Variants in PRAMEF11 observed in about 807,000 individuals in gnomAD.
The protein encoded by PRAMEF11 is PRAME family member 11.
A neutral mutation model predicts 33.6 loss-of-function variants in PRAMEF11; 17 were observed. The observed-to-expected ratio is 0.51, with a 90% CI of 0.35 to 0.76. The LOEUF (loss-of-function observed/expected upper bound fraction) is 0.76. Among genes scored for constraint, PRAMEF11 ranks in the 30% least tolerant of loss-of-function variants. PRAMEF11 has a pLI of 0.01. For synonymous variants in PRAMEF11, 205 were observed against 227.3 expected (o/e 0.90, Z 0.88); for missense variants, 568 against 567.0 (o/e 1.00, Z -0.02).
rs777815598 is a variant in PRAMEF11 at position 12,826,705 on chromosome 1, C to T, written c.875+544G>A. On this transcript the variant is annotated intron_variant, in intron 3 of 3. Coordinates refer to ENST00000619922, the MANE Select transcript of PRAMEF11 (RefSeq NM_001146344.3). ...TGAACCTGGGAGGCAGAAGTTGCTG[C>T]GAGCTGAGATGTCACAAGTGCACTC... 7.6e-4 allele frequency among the ~76,000 whole-genome samples: 114 copies of T among 150,012 alleles called. 9 individuals carry two copies. The highest frequency in any genetic ancestry group is 1.4e-3 in the Non-Finnish European group (91 of 67,156).
In PRAMEF11 at chr1:12,829,084, T is replaced by A. The variant is rs75890483; in HGVS notation, c.-16-279A>T. On this transcript the variant is annotated intron_variant, in intron 1 of 3. Transcript: ENST00000619922. ...TAGTGAGTGTGGAGGAACCTGAAAGTGAACCCCTCCTACCATTGGGGGAAA... is the reference window on the plus strand; with the variant it reads ...TAGTGAGTGTGGAGGAACCTGAAAGAGAACCCCTCCTACCATTGGGGGAAA... 3.4e-5 allele frequency among the ~76,000 whole-genome samples: 5 copies of A among 149,090 alleles called. 1 individual carries two copies. Among genetic ancestry groups the A allele is most frequent in the African/African-American group, 1.2e-4 (5 of 41,112 alleles).
chr1:12,825,113 A>G lies in PRAMEF11; in HGVS notation c.1266T>C (p.Tyr422=). ...LELYPAPQES[Y]GADGTLCWSR... is the part of the protein sequence containing the mutation. Reference sequence around the variant, plus strand: ...TCCAGCAGAGAGTACCATCAGCACCATAACTTTCCTGCGGGGCAGGATACA... The same window carrying G: ...TCCAGCAGAGAGTACCATCAGCACCGTAACTTTCCTGCGGGGCAGGATACA... The change falls in exon 4 of 4, where the codon TAT becomes TAC. Residue 422 remains tyrosine (Y), a synonymous_variant. Coordinates refer to ENST00000619922, the MANE Select transcript of PRAMEF11 (RefSeq NM_001146344.3). 2 of 1,609,712 alleles carry G rather than the reference A, an allele frequency of 1.2e-6. No homozygotes were observed. Among genetic ancestry groups the G allele is most frequent in the Non-Finnish European group, 1.7e-6 (2 of 1,177,760 alleles).
chr1:12,828,897 C>T lies in PRAMEF11; in HGVS notation c.-16-92G>A, dbSNP rs1639941174. On this transcript the variant is annotated intron_variant, in intron 1 of 3. Transcript: ENST00000619922. ...CCCAGGGCCAAAGTCACTGCTCTGG[C>T]AATGGTGAAACAGCCCTCAGTTTAC... 3.8e-6 allele frequency: 6 copies of T among 1,564,946 alleles called. 1 individual carries two copies. Among genetic ancestry groups the T allele is most frequent in the Admixed American group, 3.5e-5 (2 of 57,426 alleles).
rs769438971 is a variant in PRAMEF11 at position 12,827,406 on chromosome 1, C to T, written c.718G>A (p.Val240Ile). The change falls in exon 3 of 4, where the codon GTT becomes ATT. Residue 240 changes from valine to isoleucine, a missense_variant. Physicochemically the swap from Val to Ile is conservative, Grantham distance 29. Coordinates refer to ENST00000619922, the MANE Select transcript of PRAMEF11 (RefSeq NM_001146344.3). ...LGHLRNLQKL[V>I]LSHMDVSRYV... ...CGAGAGACATCCATGTGGGAGAGAA[C>T]GAGCTTCTGAAGATTCCTCAAGTGG... The T allele has an allele frequency of 3.4e-5, 54 of 1,605,954 alleles. 2 individuals carry two copies. Among genetic ancestry groups the T allele is most frequent in the Middle Eastern group, 1.7e-4 (1 of 5,926 alleles).
At position 12,827,799 on chromosome 1, in the gene PRAMEF11, C is replaced by A. The variant is rs192952232; in HGVS notation, c.325G>T (p.Asp109Tyr). The change falls in exon 3 of 4, where the codon GAT becomes TAT. Residue 109 changes from aspartate to tyrosine, a missense_variant. By Grantham distance (160) the Asp-to-Tyr change is radical. This residue lies in a region of PRAMEF11 where 342 missense variants were observed against 312.0 expected (regional missense o/e 1.10). Coordinates refer to ENST00000619922, the MANE Select transcript of PRAMEF11 (RefSeq NM_001146344.3). ...ACCATCCAGAAGTTCTCACAGACAT[C>A]CTGTAAATCCAGCACTTGAAGTTTC... ...RWKLQVLDLQ[D>Y]VCENFWMVWS... 1,162 of 1,608,026 alleles carry A rather than the reference C, an allele frequency of 7.2e-4. 30 individuals carry two copies. Among genetic ancestry groups the A allele is most frequent in the Middle Eastern group, 7.1e-3 (33 of 4,634 alleles).
At chr1:12,826,776 A>C (rs1203306038) in intron 3 of PRAMEF11, among the ~76,000 whole-genome samples, 2 of 150,168 alleles carry the variant, frequency 1.3e-5, no homozygotes, top group Admixed American at 1.3e-4. Context: ...AAAAAAAGTT[A>C]TCTTGTTTGA....
chr1:12,830,895 A>G (rs1434655112), intron 1 of PRAMEF11, among the ~76,000 whole-genome samples: 42 of 150,180 alleles, frequency 2.8e-4, no homozygotes, highest in African/African-American at 1.0e-3. Flanking sequence ...ATGGAGACTG[A>G]GGCATGAGAA....
chr1:12,829,020 A>G (rs1639950191), intron 1 of PRAMEF11, among the ~76,000 whole-genome samples: 1 of 151,646 alleles, frequency 6.6e-6, no homozygotes, highest in East Asian at 2.0e-4. Flanking sequence ...CAGGGCCACC[A>G]CGAGCCCTTC....
rs776487277 is a variant in PRAMEF11, at chr1:12,825,960, T to A, written c.876-457A>T. On this transcript the variant is annotated intron_variant, in intron 3 of 3. Coordinates refer to ENST00000619922, the MANE Select transcript of PRAMEF11 (RefSeq NM_001146344.3). The stretch of plus-strand genomic sequence containing the variant: ...CTACACTCCAGCCTGGGTGACAGAG[T>A]GATACTCTATTAAAAAAAAAAAAAG... Among the ~76,000 whole-genome samples the A allele has an allele frequency of 4.5e-4, 63 of 139,592 alleles. 1 individual carries two copies. Among genetic ancestry groups the A allele is most frequent in the African/African-American group, 1.5e-3 (57 of 37,298 alleles). 91.6% of individuals were successfully genotyped at this position (139,592 alleles called of 152,430 possible). A position where few individuals can be genotyped will look rare whatever the true frequency, so the allele number is the denominator to read the frequency against.
Position 12,825,344 on chromosome 1 carries a change from A to T in PRAMEF11, c.1035T>A (p.Ile345=). 6.4e-7 allele frequency: 1 copy of T among 1,571,786 alleles called. No individual in the cohort carries two copies. Among genetic ancestry groups the T allele is most frequent in the Non-Finnish European group, 8.7e-7 (1 of 1,154,852 alleles). ...LTNYSLVPLQ[I]LLEKVAATLE... is the part of the protein sequence containing the mutation. The stretch of plus-strand genomic sequence containing the variant: ...GGGTGGCTGCAACTTTTTCTAGGAG[A>T]ATTTGGAGAGGCACAAGACTGTAAT... The change falls in exon 4 of 4, where the codon ATT becomes ATA. Residue 345 remains isoleucine, a synonymous_variant. Transcript: ENST00000619922.
At position 12,825,040 on chromosome 1, in the gene PRAMEF11, A is replaced by C. The variant is rs1270731526; in HGVS notation, c.1339T>G (p.Leu447Val). The C allele has an allele frequency of 1.9e-6, 3 of 1,609,818 alleles. No homozygotes were observed. The highest frequency in any genetic ancestry group is 2.5e-6 in the Non-Finnish European group (3 of 1,177,774). Reference protein sequence around the residue: ...RAELMKKVRHLRHPKRILFCT... With the variant: ...RAELMKKVRHVRHPKRILFCT... ...AACAAGATCCTCTTGGGGTGCCTTA[A>C]GTGCCTCACTTTCTTCATCAGCTCA... Residue 447 changes from leucine to valine, a missense_variant, in exon 4 of 4, where the codon TTA becomes GTA. Leu to Val is a conservative substitution (Grantham distance 32). Transcript: ENST00000619922.
rs1217795795 is a variant in PRAMEF11, at chr1:12,830,711, A to C, written c.-17+645T>G. 2.0e-5 allele frequency among the ~76,000 whole-genome samples: 3 copies of C among 150,682 alleles called. No homozygotes were observed. The East Asian group carries it at 5.9e-4, about 30-fold the overall frequency. ...TTAAAAAAAAAAAAAGTAGAGGCCAAGCACCAGTGACTCACAGCTGTAATC... is the reference window on the plus strand; with the variant it reads ...TTAAAAAAAAAAAAAGTAGAGGCCACGCACCAGTGACTCACAGCTGTAATC... On this transcript the variant is annotated intron_variant, in intron 1 of 3. Transcript: ENST00000619922.
chr1:12,831,201 C>T (rs78036093), intron 1 of PRAMEF11, among the ~76,000 whole-genome samples, 155 bp downstream of exon 1: 1 of 149,156 alleles, frequency 6.7e-6, no homozygotes, highest in Non-Finnish European at 1.5e-5. Flanking sequence ...GACAGAACTG[C>T]ATTTAGAGGA....
At chr1:12,827,935 C>T in intron 2 of PRAMEF11, 105 bp from the exon 3 acceptor site, 1 of 1,573,684 alleles carries the variant, frequency 6.4e-7, no homozygotes, top group Non-Finnish European at 8.6e-7. Flanking sequence ...TTGTCCCTCT[C>T]TCTGAGTTTT....
chr1:12,828,037 G>T lies in PRAMEF11; in HGVS notation c.294-207C>A, dbSNP rs184444205. On this transcript the variant is annotated intron_variant, in intron 2 of 3. Coordinates refer to ENST00000619922, the MANE Select transcript of PRAMEF11 (RefSeq NM_001146344.3). ...GTCTCCTTCTGTCGCCCAGGCTAGA[G>T]TGCAGTGGTGTGATGTCACCTCACT... Among the ~76,000 whole-genome samples, 21 of 149,714 alleles carry T rather than the reference G, an allele frequency of 1.4e-4. 1 individual carries two copies. The highest frequency in any genetic ancestry group is 8.0e-4 in the Admixed American group (12 of 14,924).
In PRAMEF11 at chr1:12,830,614, G is replaced by T. The variant is rs539244920; in HGVS notation, c.-17+742C>A. On this transcript the variant is annotated intron_variant, in intron 1 of 3. Coordinates refer to ENST00000619922, the MANE Select transcript of PRAMEF11 (RefSeq NM_001146344.3). ...GCTCACTGCAGCCTCAATCTTCTGG[G>T]CTCAAGTGATTCTCCCACACCAGCC... Among the ~76,000 whole-genome samples, 648 of 147,940 alleles carry T rather than the reference G, an allele frequency of 4.4e-3. 8 individuals are homozygous for T. Among genetic ancestry groups the T allele is most frequent in the Middle Eastern group, 0.01 (3 of 288 alleles).
At position 12,825,107 on chromosome 1, in the gene PRAMEF11, A is replaced by T; in HGVS notation, c.1272T>A (p.Ala424=). 6.2e-7 allele frequency: 1 copy of T among 1,609,710 alleles called. No homozygotes were observed. Among genetic ancestry groups the T allele is most frequent in the Non-Finnish European group, 8.5e-7 (1 of 1,177,756 alleles). Residue 424 remains alanine (A), a synonymous_variant, in exon 4 of 4, where the codon GCT becomes GCA. Transcript: ENST00000619922. The part of the protein sequence containing the change: ...LYPAPQESYG[A]DGTLCWSRFA... ...ATCTGCTCCAGCAGAGAGTACCATC[A>T]GCACCATAACTTTCCTGCGGGGCAG...
At position 12,825,012 on chromosome 1, in the gene PRAMEF11, C is replaced by T. The variant is rs762702554; in HGVS notation, c.1367G>A (p.Cys456Tyr). The T allele has an allele frequency of 3.7e-6, 6 of 1,609,828 alleles. No individual in the cohort carries two copies. Among genetic ancestry groups the T allele is most frequent in the Non-Finnish European group, 3.4e-6 (4 of 1,177,762 alleles). Residue 456 changes from cysteine to tyrosine, a missense_variant, in exon 4 of 4, where the codon TGT becomes TAT. Physicochemically the swap from Cys to Tyr is radical, Grantham distance 194. Transcript: ENST00000619922. Reference sequence around the variant, plus strand: ...GCCATGGTCAGGGCAGTTGTCAGTACAGAACAAGATCCTCTTGGGGTGCCT... The same window carrying T: ...GCCATGGTCAGGGCAGTTGTCAGTATAGAACAAGATCCTCTTGGGGTGCCT... Reference protein sequence around the residue: ...HLRHPKRILFCTDNCPDHGDR... With the variant: ...HLRHPKRILFYTDNCPDHGDR...
At position 12,828,612 on chromosome 1, in the gene PRAMEF11, C is replaced by A. The variant is rs202092704; in HGVS notation, c.178G>T (p.Ala60Ser). 5.5e-3 allele frequency: 8,877 copies of A among 1,609,610 alleles called. 360 individuals are homozygous for A. Among genetic ancestry groups the A allele is most frequent in the East Asian group, 7.8e-3 (344 of 44,372 alleles). Reference protein sequence around the residue: ...RCEALKLMVQAWPFRRLPLRP... With the variant: ...RCEALKLMVQSWPFRRLPLRP... ...AGAGGGAGGCGGCGGAAGGGCCAGG[C>A]CTGCACCATCAGCTTCAGGGCCTCA... The change falls in exon 2 of 4, where the codon GCC becomes TCC. Residue 60 changes from alanine (A) to serine (S), a missense_variant. Physicochemically the swap from Ala to Ser is moderately conservative, Grantham distance 99 (BLOSUM62 1). This residue lies in a region of PRAMEF11 where 342 missense variants were observed against 312.0 expected (regional missense o/e 1.10). Transcript: ENST00000619922.
Sources: allele counts gnomAD v4.1 joint callset (sites outside exome capture counted in the v4.1 genomes callset), GRCh38; gene constraint gnomAD v4.1.1; regional missense constraint gnomAD v4.1.1; transcripts MANE v1.5; gene names NCBI Gene and HGNC (gene_info 2026-07-23, HGNC 2026-07-21).